PHLPP2: variants seen among roughly 807,000 people sequenced by gnomAD.
PHLPP2 encodes the protein PH domain leucine-rich repeat-containing protein phosphatase 2.
PHLPP2 carries 66 observed loss-of-function variants against 124.9 expected under a neutral mutation model. The ratio of observed to expected loss-of-function variants is 0.53; its 90% CI spans 0.43 to 0.65. The LOEUF is 0.65. Ranked by LOEUF, PHLPP2 falls within the 30% of genes least tolerant of loss-of-function variation. The pLI is 0.00. For missense variants in PHLPP2, 1,685 were observed against 1,600.4 expected (o/e 1.05, Z -0.90); for synonymous variants, 681 against 624.7 (o/e 1.09, Z -1.34).
At chr16:71,667,012 G>T (rs1418658464) in intron 12 of PHLPP2, among the ~76,000 whole-genome samples, 166 bp downstream of exon 12, 1 of 152,174 alleles carries the variant, frequency 6.6e-6, no homozygotes, top group African/African-American at 2.4e-5. Context: ...TCATAAAACA[G>T]TGTCATATTT....
chr16:71,712,414 C>T (rs1436788860), intron 2 of PHLPP2, among the ~76,000 whole-genome samples: 1 of 152,182 alleles, frequency 6.6e-6, no homozygotes, highest in Non-Finnish European at 1.5e-5. Flanking sequence ...TAACTAATTA[C>T]ACAACTACTA....
At chr16:71,697,994 C>T (rs1484189155) in intron 3 of PHLPP2, among the ~76,000 whole-genome samples, 2 of 152,062 alleles carry the variant, frequency 1.3e-5, no homozygotes, top group East Asian at 3.9e-4. Flanking sequence ...ACTACAGGCA[C>T]CCGCCACCAC....
At chr16:71,721,435 C>G (rs1025147638) in intron 1 of PHLPP2, among the ~76,000 whole-genome samples, 34 of 151,864 alleles carry the variant, frequency 2.2e-4, no homozygotes, top group Non-Finnish European at 4.0e-4. Flanking sequence ...ATAGCAAGAC[C>G]CCATCTCTAC....
chr16:71,657,421 G>C (rs866664377), intron 15 of PHLPP2, among the ~76,000 whole-genome samples: 26 of 140,636 alleles, frequency 1.8e-4, no homozygotes, highest in African/African-American at 6.6e-4. Flanking sequence ...TTGAGAAGGA[G>C]TCTCGCTGTG....
chr16:71,713,269 AGAGCAAGTCT>A (rs2045335268), intron 2 of PHLPP2, among the ~76,000 whole-genome samples: 1 of 152,212 alleles, frequency 6.6e-6, no homozygotes, highest in Admixed American at 6.5e-5. Flanking sequence ...TTTCTATTTA[AGAGCAAGTCT>A]GAGCTCATTC....
rs758126134 is a variant in PHLPP2, at chr16:71,648,845, C to T, written c.*45G>A. On this transcript the variant is annotated 3_prime_UTR_variant, in exon 19 of 19. Transcript: ENST00000568954. Reference sequence around the variant, plus strand: ...CAGAATGCCTCTAGCAAGTCCCTACCCCAACCCTGCACAGCCTCCTCCCAC... The same window carrying T: ...CAGAATGCCTCTAGCAAGTCCCTACTCCAACCCTGCACAGCCTCCTCCCAC... 6.9e-6 allele frequency: 10 copies of T among 1,449,522 alleles called. No homozygotes were observed. The highest frequency in any genetic ancestry group is 7.7e-6 in the Non-Finnish European group (8 of 1,041,024). 89.8% of individuals were successfully genotyped at this position (1,449,522 alleles called of 1,614,324 possible).
rs1240244063 is a variant in PHLPP2 at position 71,646,360 on chromosome 16, C to T, written c.*2530G>A. 1 of 152,072 alleles carries T rather than the reference C, an allele frequency of 6.6e-6. No individual in the cohort carries two copies. The highest frequency in any genetic ancestry group is 2.4e-5 in the African/African-American group (1 of 41,402). 9.4% of individuals were successfully genotyped at this position (152,072 alleles called of 1,614,324 possible). A position where few individuals can be genotyped will look rare whatever the true frequency, so the allele number is the denominator to read the frequency against. On this transcript the variant is annotated 3_prime_UTR_variant, in exon 19 of 19. Coordinates refer to ENST00000568954, the MANE Select transcript of PHLPP2 (RefSeq NM_015020.3). Reference sequence around the variant, plus strand: ...TCGCCTATAACAAAGATTTTCAATACAACCTAATGGTTCCTGAAAAAAAAT... The same window carrying T: ...TCGCCTATAACAAAGATTTTCAATATAACCTAATGGTTCCTGAAAAAAAAT...
At chr16:71,677,005 A>G (rs1175764761) in intron 8 of PHLPP2, 1 of 262,818 alleles carries the variant, frequency 3.8e-6, no homozygotes, top group African/African-American at 2.3e-5. Context: ...CGGCCTCCCA[A>G]AGTGCTGGGA....
At position 71,663,929 on chromosome 16, in the gene PHLPP2, G is replaced by A; in HGVS notation, c.1955C>T (p.Ala652Val). The change falls in exon 13 of 19, where the codon GCA becomes GTA. Residue 652 changes from alanine (A) to valine (V), a missense_variant. Transcript: ENST00000568954. The part of the protein sequence containing the change: ...GHLHLRILHL[A>V]NNQLQTFPAS... Reference sequence around the variant, plus strand: ...AGGAAAGGTCTGTAACTGATTGTTTGCAAGGTGCAAGATTCGCAGGTGCAG... The same window carrying A: ...AGGAAAGGTCTGTAACTGATTGTTTACAAGGTGCAAGATTCGCAGGTGCAG... 6.2e-7 allele frequency: 1 copy of A among 1,614,040 alleles called. No individual in the cohort carries two copies. The highest frequency in any genetic ancestry group is 1.1e-5 in the South Asian group (1 of 91,082).
chr16:71,681,768 G>C lies in PHLPP2; in HGVS notation c.873C>G (p.Gly291=). The part of the protein sequence containing the change: ...HNFMQLERPG[G]LDTLYKFSQL... ...CCACATACTTGTAGAGTGTATCGAG[G>C]CCTCCGGGTCTTTCTAACTGCATGA... Residue 291 remains glycine, a synonymous_variant, in exon 6 of 19, where the codon GGC becomes GGG. Coordinates refer to ENST00000568954, the MANE Select transcript of PHLPP2 (RefSeq NM_015020.3). The C allele has an allele frequency of 6.2e-7, 1 of 1,613,266 alleles. No individual in the cohort carries two copies. Among genetic ancestry groups the C allele is most frequent in the Non-Finnish European group, 8.5e-7 (1 of 1,179,582 alleles).
intron 1 of PHLPP2, among the ~76,000 whole-genome samples, chr16:71,718,327 C>T (rs1406138796): frequency 6.6e-6 from 1 of 152,148 alleles, no homozygotes; most frequent in East Asian, 1.9e-4. Flanking sequence ...CACCTGTAAT[C>T]CCAGCACTTT....
chr16:71,702,666 T>C lies in PHLPP2; in HGVS notation c.350A>G (p.Asp117Gly), dbSNP rs780618084. Reference protein sequence around the residue: ...VYDYLSRLGFDDPVRIQEEAT... With the variant: ...VYDYLSRLGFGDPVRIQEEAT... The stretch of plus-strand genomic sequence containing the variant: ...CTCCTCCTGTATGCGCACAGGATCA[T>C]CAAATCCCAGCCTGGATAAGTAATC... Residue 117 changes from aspartate (D) to glycine (G), a missense_variant, in exon 3 of 19, where the codon GAT (aspartate) becomes GGT (glycine). By Grantham distance (94) the Asp-to-Gly change is moderately conservative. Transcript: ENST00000568954. The C allele has an allele frequency of 3.7e-6, 6 of 1,610,230 alleles. No homozygotes were observed. The highest frequency in any genetic ancestry group is 5.1e-6 in the Non-Finnish European group (6 of 1,178,016).
intron 13 of PHLPP2, among the ~76,000 whole-genome samples, chr16:71,659,963 A>G (rs2044774190): frequency 6.6e-6 from 1 of 151,766 alleles, no homozygotes; most frequent in African/African-American, 2.4e-5. Flanking sequence ...TTTTTCATAT[A>G]ACATATCATA....
At chr16:71,679,315 C>T (rs752520474) in intron 7 of PHLPP2, 74 bp downstream of exon 7, 86 of 1,314,074 alleles carry the variant, frequency 6.5e-5, no homozygotes, top group Middle Eastern at 1.8e-4. Context: ...GTTCAAGATA[C>T]TACCTTCATT....
chr16:71,676,484 A>G lies in PHLPP2; in HGVS notation c.1434T>C (p.Ser478=). The G allele has an allele frequency of 6.2e-7, 1 of 1,614,194 alleles. No homozygotes were observed. The highest frequency in any genetic ancestry group is 1.1e-5 in the South Asian group (1 of 91,090). Residue 478 remains serine, a synonymous_variant, in exon 9 of 19, where the codon AGT becomes AGC. Coordinates refer to ENST00000568954, the MANE Select transcript of PHLPP2 (RefSeq NM_015020.3). The part of the protein sequence containing the change: ...GRNQLRELTL[S]GFSLRTLYAS... ...CATAGAGGGTCCGAAGGGAAAAGCCACTGAGTGTTAGCTCCCTCAGCTGAT... is the reference window on the plus strand; with the variant it reads ...CATAGAGGGTCCGAAGGGAAAAGCCGCTGAGTGTTAGCTCCCTCAGCTGAT...
intron 11 of PHLPP2, among the ~76,000 whole-genome samples, chr16:71,668,414 T>A (rs1316066044): frequency 2.3e-5 from 1 of 43,656 alleles, no homozygotes; most frequent in East Asian, 7.1e-4. Flanking sequence ...AGACTCTGTC[T>A]CAAAAAAAAA....
At chr16:71,653,194 C>T (rs963168610) in intron 17 of PHLPP2, among the ~76,000 whole-genome samples, 173 bp from the exon 18 acceptor site, 1 of 149,498 alleles carries the variant, frequency 6.7e-6, no homozygotes, top group Admixed American at 6.8e-5. Flanking sequence ...GTGGTGGAGA[C>T]AGTTCTGCCT....
intron 3 of PHLPP2, among the ~76,000 whole-genome samples, chr16:71,700,978 G>A (rs1275452033): frequency 1.3e-5 from 2 of 152,126 alleles, no homozygotes; most frequent in South Asian, 2.1e-4. Flanking sequence ...TTGTGAAGAC[G>A]CCTAGGAAGC....
rs764178203 is a variant in PHLPP2, at chr16:71,690,535, G to A, written c.593C>T (p.Pro198Leu). ...DCQTGKMHILPLVGGKIEEVK... is the reference protein window; with the variant it reads ...DCQTGKMHILLLVGGKIEEVK... ...GAGTCTTACCTTTCCACCAACCAGA[G>A]GCAAAATGTGCATCTTTCCAGTTTG... is the stretch of plus-strand genomic sequence containing the variant. The change falls in exon 4 of 19, where the codon CCT (proline) becomes CTT (leucine). Residue 198 changes from proline to leucine, a missense_variant. Coordinates refer to ENST00000568954, the MANE Select transcript of PHLPP2 (RefSeq NM_015020.3). The A allele has an allele frequency of 2.1e-5, 33 of 1,607,110 alleles. No homozygotes were observed. The highest frequency in any genetic ancestry group is 2.8e-5 in the Non-Finnish European group (33 of 1,176,674).
Sources: allele counts gnomAD v4.1 joint callset (sites outside exome capture counted in the v4.1 genomes callset), GRCh38; gene constraint gnomAD v4.1.1; transcripts MANE v1.5; gene names NCBI Gene and HGNC (gene_info 2026-07-23, HGNC 2026-07-21).